PARD3B: variants seen among roughly 807,000 people sequenced by gnomAD.
PARD3B encodes par-3 family cell polarity regulator beta, also known as partitioning defective 3 homolog B.
A neutral mutation model predicts 130.2 loss-of-function variants in PARD3B; 103 were observed. The observed-to-expected ratio is 0.79, with a 90% CI of 0.67 to 0.93. The LOEUF is 0.93. Ranked by LOEUF, PARD3B falls within the 40% of genes least tolerant of loss-of-function variation. The probability of loss-of-function intolerance (pLI) is 0.00; values close to 1 mark genes in which losing one functional copy is unlikely to be tolerated. For missense variants in PARD3B, 1,609 were observed against 1,499.2 expected (o/e 1.07, Z -1.21); for synonymous variants, 583 against 553.2 (o/e 1.05, Z -0.76).
chr2:204,724,411 A>G (rs1421834247), intron 2 of PARD3B, among the ~76,000 whole-genome samples: 1 of 152,180 alleles, frequency 6.6e-6, no homozygotes, highest in African/African-American at 2.4e-5. Flanking sequence ...AGCAGTACTC[A>G]GTAATGTATT....
chr2:205,238,874 ATATGTATGTGTG>A (rs2039206511), intron 15 of PARD3B, among the ~76,000 whole-genome samples: 1 of 85,320 alleles, frequency 1.2e-5, no homozygotes, highest in Non-Finnish European at 2.2e-5. Context: ...ATATATATAT[ATATGTATGTGTG>A]TATATATATA....
intron 18 of PARD3B, chr2:205,302,051 T>C (rs1574642187): frequency 8.1e-6 from 4 of 493,694 alleles, no homozygotes; most frequent in South Asian, 3.7e-5. Flanking sequence ...TATTCTTTTT[T>C]TCTTTTTTCT....
intron 4 of PARD3B, among the ~76,000 whole-genome samples, chr2:205,062,491 T>C (rs1368951146): frequency 6.6e-6 from 1 of 152,142 alleles, no homozygotes; most frequent in African/African-American, 2.4e-5. Flanking sequence ...TCACAAACAG[T>C]AGGACCACTC....
intron 2 of PARD3B, among the ~76,000 whole-genome samples, chr2:204,864,283 C>A (rs1421228910): frequency 6.6e-6 from 1 of 152,156 alleles, no homozygotes; most frequent in Non-Finnish European, 1.5e-5. Flanking sequence ...ATAAAACCAT[C>A]CAGTCACAAT....
chr2:205,303,423 A>T (rs1411260444), intron 18 of PARD3B, among the ~76,000 whole-genome samples: 1 of 152,154 alleles, frequency 6.6e-6, no homozygotes, highest in Non-Finnish European at 1.5e-5. Context: ...CTCTGACCTC[A>T]GACATATACC....
At chr2:205,201,095 A>T (rs939822217) in intron 15 of PARD3B, among the ~76,000 whole-genome samples, 9 of 152,200 alleles carry the variant, frequency 5.9e-5, no homozygotes, top group African/African-American at 1.7e-4. Context: ...ATAGAATGCA[A>T]TCCAGATATT....
intron 2 of PARD3B, among the ~76,000 whole-genome samples, chr2:204,853,039 A>G (rs923167806): frequency 5.9e-5 from 9 of 152,208 alleles, no homozygotes; most frequent in African/African-American, 1.7e-4. Flanking sequence ...TTAGTTATCA[A>G]AATATTCATG....
intron 2 of PARD3B, among the ~76,000 whole-genome samples, chr2:204,710,000 G>A (rs1417992760): frequency 6.6e-6 from 1 of 152,100 alleles, no homozygotes; most frequent in Non-Finnish European, 1.5e-5. Context: ...GGAAAACAGG[G>A]CCTTTTCCAA....
intron 3 of PARD3B, among the ~76,000 whole-genome samples, chr2:205,037,159 TAC>T (rs1477851974): frequency 1.2e-4 from 14 of 119,590 alleles, no homozygotes; most frequent in Non-Finnish European, 1.6e-4. Flanking sequence ...AAAACAAATA[TAC>T]ATATATAGCG....
intron 22 of PARD3B, 129 bp downstream of exon 22, chr2:205,553,532 T>C: frequency 1.2e-6 from 1 of 802,270 alleles, no homozygotes; most frequent in Non-Finnish European, 2.0e-6. Context: ...TGCCGTCTGC[T>C]GTAGCCCTAG....
At chr2:205,272,950 G>A (rs1014481567) in intron 16 of PARD3B, among the ~76,000 whole-genome samples, 1 of 152,072 alleles carries the variant, frequency 6.6e-6, no homozygotes, top group African/African-American at 2.4e-5. Flanking sequence ...AAACTATTTG[G>A]CATAAACAAT....
intron 18 of PARD3B, among the ~76,000 whole-genome samples, chr2:205,388,061 T>C (rs2105968418): frequency 6.6e-6 from 1 of 152,346 alleles, no homozygotes; most frequent in East Asian, 1.9e-4. Context: ...TAAATTTACT[T>C]GATTGAGAGT....
At chr2:204,582,773 G>A (rs1467275171) in intron 1 of PARD3B, among the ~76,000 whole-genome samples, 2 of 151,510 alleles carry the variant, frequency 1.3e-5, no homozygotes, top group African/African-American at 2.4e-5. Context: ...TTGTGTAGAT[G>A]TCATTTGCTT....
chr2:205,510,654 A>C (rs2050555134), intron 21 of PARD3B, among the ~76,000 whole-genome samples: 1 of 152,238 alleles, frequency 6.6e-6, no homozygotes, highest in South Asian at 2.1e-4. Flanking sequence ...AAAGACCAGA[A>C]GAAAGTTGAC....
chr2:205,332,546 T>C (rs551737891), intron 18 of PARD3B, among the ~76,000 whole-genome samples: 2 of 152,004 alleles, frequency 1.3e-5, no homozygotes, highest in East Asian at 1.9e-4. Context: ...AAGAAAATAT[T>C]TGTGGTCTTC....
rs2033728006 is a variant in PARD3B at position 204,606,414 on chromosome 2, A to G, written c.120+60295A>G. Among the ~76,000 whole-genome samples, 1 of 152,152 alleles carries G rather than the reference A, an allele frequency of 6.6e-6. No individual in the cohort carries two copies. Reference sequence around the variant, plus strand: ...AGGGGATCTGTTGACTGTATCAGTCAGGGTCCCTGGCTGATGAAGGCTCCA... The same window carrying G: ...AGGGGATCTGTTGACTGTATCAGTCGGGGTCCCTGGCTGATGAAGGCTCCA... On this transcript the variant is annotated intron_variant, in intron 1 of 22. Transcript: ENST00000406610. The surrounding 1 kb of genome is among the most constrained non-coding windows in gnomAD (Gnocchi z 4.0).
chr2:204,714,959 C>T (rs2038649372), intron 2 of PARD3B, among the ~76,000 whole-genome samples: 1 of 152,118 alleles, frequency 6.6e-6, no homozygotes, highest in Non-Finnish European at 1.5e-5. Flanking sequence ...TAGAGGTATC[C>T]TAAGCAATAA....
chr2:205,047,560 A>G, intron 3 of PARD3B, 21 bp from the exon 4 acceptor site: 1 of 1,512,800 alleles, frequency 6.6e-7, no homozygotes, highest in Non-Finnish European at 9.0e-7. Context: ...TTGACCTCTC[A>G]CCTCTCACTT....
In PARD3B at chr2:205,019,836, A is replaced by G. The variant is rs1374887538; in HGVS notation, c.395-27745A>G. ...TATTAGGGATGGAAACATATAAGTC[A>G]AAGTTGGTTAGAGAACTGTCTGAGA... On this transcript the variant is annotated intron_variant, in intron 3 of 22. Transcript: ENST00000406610. Among the ~76,000 whole-genome samples, 5 of 152,182 alleles carry G rather than the reference A, an allele frequency of 3.3e-5. No individual in the cohort carries two copies. The East Asian group carries it at 9.6e-4, about 29-fold the overall frequency.
Sources: allele counts gnomAD v4.1 joint callset (sites outside exome capture counted in the v4.1 genomes callset), GRCh38; gene constraint gnomAD v4.1.1; non-coding constraint Gnocchi (gnomAD v3.1); transcripts MANE v1.5; gene names NCBI Gene and HGNC (gene_info 2026-07-23, HGNC 2026-07-21).